RIMBP2: variants seen among roughly 807,000 people sequenced by gnomAD.
The protein encoded by RIMBP2 is RIMS binding protein 2, also known as RIMS-binding protein 2.
In RIMBP2, 48 loss-of-function variants were observed where a neutral mutation model predicts 118.6. That is an observed-to-expected ratio of 0.40 (90% CI 0.32 to 0.51). The LOEUF (loss-of-function observed/expected upper bound fraction) is 0.51, where lower values mean the gene tolerates loss of function less well. RIMBP2 is among the 20% of genes least tolerant of loss of function. RIMBP2 has a pLI of 0.41. For synonymous variants in RIMBP2, 762 were observed against 742.9 expected, an observed-to-expected ratio of 1.03 and a Z score of -0.42; for missense variants, 1,551 against 1,768.3, an observed-to-expected ratio of 0.88 and a Z score of 2.20.
rs1261192143 is a variant in RIMBP2, at chr12:130,715,398, C to T, written c.-352+824G>A. Among the ~76,000 whole-genome samples, 4 of 152,240 alleles carry T rather than the reference C, an allele frequency of 2.6e-5. No homozygotes were observed. In the South Asian group the frequency reaches 6.2e-4, roughly 24 times the overall value. On this transcript the variant is annotated intron_variant, in intron 1 of 22. Coordinates refer to ENST00000690449, the MANE Select transcript of RIMBP2 (RefSeq NM_001393629.1). ...CCGACCTCAGCCAGCGTGCGCTCCC[C>T]GGGGACAGGAGGGAGGCTGCTTCCA...
intron 2 of RIMBP2, among the ~76,000 whole-genome samples, chr12:130,532,827 G>A (rs34187817): frequency 0.011 from 1,574 of 147,532 alleles, 4 homozygotes; most frequent in Middle Eastern, 0.026. Context: ...TAGGAGTTAC[G>A]TCTAATGAGA....
rs1346782047 is a variant in RIMBP2, at chr12:130,620,573, G to A, written c.-217+7749C>T. On this transcript the variant is annotated intron_variant, in intron 2 of 22. Coordinates refer to ENST00000690449, the MANE Select transcript of RIMBP2 (RefSeq NM_001393629.1). This position sits in a 1 kb window ranked among gnomAD's most constrained non-coding sequence, Gnocchi z 5.3. ...GATGCCCAAGCTCGGGGTGTCGGCA[G>A]GGCTGCTCCTCAGGTCACAGGCAGG... Among the ~76,000 whole-genome samples, 1 of 152,194 alleles carries A rather than the reference G, an allele frequency of 6.6e-6. No homozygotes were observed. Among genetic ancestry groups the A allele is most frequent in the Non-Finnish European group, 1.5e-5 (1 of 68,044 alleles).
At chr12:130,497,483 G>A (rs757883560) in intron 4 of RIMBP2, among the ~76,000 whole-genome samples, 5 of 152,162 alleles carry the variant, frequency 3.3e-5, no homozygotes, top group South Asian at 2.1e-4. Context: ...TCGCTCTACC[G>A]CATCCGACGA....
intron 4 of RIMBP2, among the ~76,000 whole-genome samples, chr12:130,504,842 C>T (rs558025986): frequency 6.6e-6 from 1 of 152,314 alleles, no homozygotes; most frequent in East Asian, 1.9e-4. Flanking sequence ...GTTTTACATC[C>T]CTGGCCTCCC....
intron 14 of RIMBP2, among the ~76,000 whole-genome samples, chr12:130,432,660 G>A (rs1346361804): frequency 6.6e-6 from 1 of 152,204 alleles, no homozygotes; most frequent in Non-Finnish European, 1.5e-5. Context: ...AAGGCCACGT[G>A]AGGACTCAGG....
chr12:130,425,685 C>T (rs1272838724), intron 15 of RIMBP2: 1 of 152,522 alleles, frequency 6.6e-6, no homozygotes, highest in Non-Finnish European at 1.5e-5. Flanking sequence ...GCCCTCAACT[C>T]ACCCTCTACC....
chr12:130,424,671 G>A lies in RIMBP2; in HGVS notation c.2600C>T (p.Pro867Leu). 9 of 1,231,868 alleles carry A rather than the reference G, an allele frequency of 7.3e-6. No homozygotes were observed. The highest frequency in any genetic ancestry group is 3.2e-5 in the East Asian group (1 of 31,624). 76.3% of individuals were successfully genotyped at this position (1,231,868 alleles called of 1,614,324 possible). A position where few individuals can be genotyped will look rare whatever the true frequency, so the allele number is the denominator to read the frequency against. ...GCCCCTGTAGGGCCTGCCGGGCCTG[G>A]GCTCTCTGGCCAGCCCCGTCCTGGC... is the stretch of plus-strand genomic sequence containing the variant. ...PRARTGLAREPRPGRPYRGDE... is the reference protein window; with the variant it reads ...PRARTGLARELRPGRPYRGDE... The change falls in exon 16 of 23, where the codon CCC becomes CTC. Residue 867 changes from proline to leucine, a missense_variant. By Grantham distance (98) the Pro-to-Leu change is moderately conservative (BLOSUM62 -3). This residue lies in a region of RIMBP2 where 1,038 missense variants were observed against 1,125.1 expected (regional missense o/e 0.92). Coordinates refer to ENST00000690449, the MANE Select transcript of RIMBP2 (RefSeq NM_001393629.1). This position sits in a 1 kb window ranked among gnomAD's most constrained non-coding sequence, Gnocchi z 9.8.
In RIMBP2 at chr12:130,650,973, A is replaced by AGAAAG. The variant is rs1555318468; in HGVS notation, c.-351-22518_-351-22517insCTTTC. Among the ~76,000 whole-genome samples the AGAAAG allele has an allele frequency of 3.4e-3, 486 of 143,288 alleles. 4 individuals are homozygous for AGAAAG. The highest frequency in any genetic ancestry group is 0.011 in the African/African-American group (453 of 40,136). The allele number at this position is 143,288 out of a possible 152,430, so 94.0% of individuals were successfully genotyped here. A position where few individuals can be genotyped will look rare whatever the true frequency, so the allele number is the denominator to read the frequency against. On this transcript the variant is annotated intron_variant, in intron 1 of 22. Coordinates refer to ENST00000690449, the MANE Select transcript of RIMBP2 (RefSeq NM_001393629.1). Reference sequence around the variant, plus strand: ...TTGTTTTTTTTAAAAAAAAAAAAAAAAAAGAAAGAAAAGAAAAGAAACTGC... The same window carrying AGAAAG: ...TTGTTTTTTTTAAAAAAAAAAAAAAAGAAAGAAAGAAAGAAAAGAAAAGAAACTGC...
chr12:130,516,448 C>G (rs917396313), intron 3 of RIMBP2, among the ~76,000 whole-genome samples: 4 of 152,156 alleles, frequency 2.6e-5, no homozygotes, highest in African/African-American at 2.4e-5. Flanking sequence ...AGGAGACAGA[C>G]AAACACATAA....
At chr12:130,556,995 A>G (rs1307980222) in intron 2 of RIMBP2, among the ~76,000 whole-genome samples, 2 of 152,130 alleles carry the variant, frequency 1.3e-5, no homozygotes, top group Admixed American at 1.3e-4. Context: ...GTTCATATGT[A>G]AAGTCCTAAC....
intron 2 of RIMBP2, among the ~76,000 whole-genome samples, chr12:130,538,326 G>A (rs1190452910): frequency 8.5e-6 from 1 of 118,320 alleles, no homozygotes; most frequent in African/African-American, 3.8e-5. Flanking sequence ...GGCGATCTTG[G>A]GTCTGCATTT....
chr12:130,543,211 A>C (rs571276500), intron 2 of RIMBP2, among the ~76,000 whole-genome samples: 2 of 152,206 alleles, frequency 1.3e-5, no homozygotes, highest in Non-Finnish European at 2.9e-5. Flanking sequence ...TGTCAACATC[A>C]GCATTAGCAT....
At chr12:130,480,387 C>A (rs950335344) in intron 4 of RIMBP2, among the ~76,000 whole-genome samples, 1 of 152,146 alleles carries the variant, frequency 6.6e-6, no homozygotes, top group South Asian at 2.1e-4. Flanking sequence ...CATATACCCC[C>A]GATGTCTGCG....
At chr12:130,657,368 C>T (rs377432320) in intron 1 of RIMBP2, among the ~76,000 whole-genome samples, 1 of 152,154 alleles carries the variant, frequency 6.6e-6, no homozygotes, top group Non-Finnish European at 1.5e-5. Flanking sequence ...CAATTCAGCT[C>T]ATAACAGCCA....
chr12:130,474,813 G>A (rs1009175362), intron 5 of RIMBP2, among the ~76,000 whole-genome samples: 4 of 152,166 alleles, frequency 2.6e-5, no homozygotes, highest in South Asian at 2.1e-4. Context: ...GCCCGGACAC[G>A]CTGCACCAGC....
intron 1 of RIMBP2, among the ~76,000 whole-genome samples, chr12:130,699,228 T>G (rs1440135355): frequency 2.0e-5 from 3 of 152,118 alleles, no homozygotes; most frequent in Non-Finnish European, 4.4e-5. Context: ...CCATTACTGG[T>G]TATATACCCA....
In RIMBP2 at chr12:130,703,652, C is replaced by T. The variant is rs774487507; in HGVS notation, c.-352+12570G>A. ...GGCCACCGCCTAACCCTGATTAGCG[C>T]TCTACATCACCCACCGCTCAGCCTC... On this transcript the variant is annotated intron_variant, in intron 1 of 22. Coordinates refer to ENST00000690449, the MANE Select transcript of RIMBP2 (RefSeq NM_001393629.1). This position sits in a 1 kb window ranked among gnomAD's most constrained non-coding sequence, Gnocchi z 5.7. 1.3e-5 allele frequency among the ~76,000 whole-genome samples: 2 copies of T among 152,194 alleles called. No individual in the cohort carries two copies. The highest frequency in any genetic ancestry group is 3.9e-4 in the East Asian group (2 of 5,176).
intron 2 of RIMBP2, among the ~76,000 whole-genome samples, chr12:130,533,700 T>C (rs2053717716): frequency 6.6e-6 from 1 of 152,200 alleles, no homozygotes; most frequent in Admixed American, 6.5e-5. Context: ...AAATATGGTA[T>C]ACATACACCA....
chr12:130,409,757 T>G (rs2075548503), intron 19 of RIMBP2, among the ~76,000 whole-genome samples: 1 of 152,156 alleles, frequency 6.6e-6, no homozygotes, highest in African/African-American at 2.4e-5. Flanking sequence ...GGCCCCATTG[T>G]GTGGGGCGCC....
Sources: allele counts gnomAD v4.1 joint callset (sites outside exome capture counted in the v4.1 genomes callset), GRCh38; gene constraint gnomAD v4.1.1; regional missense constraint gnomAD v4.1.1; non-coding constraint Gnocchi (gnomAD v3.1); transcripts MANE v1.5; gene names NCBI Gene and HGNC (gene_info 2026-07-23, HGNC 2026-07-21).